The following GRM5 variants were observed in gnomAD, a reference collection of about 807,000 sequenced individuals.
GRM5 encodes metabotropic glutamate receptor 5.
In GRM5, 19 loss-of-function variants were observed where a neutral mutation model predicts 83.1. That is an observed-to-expected ratio of 0.23 (90% CI 0.16 to 0.34). The LOEUF (loss-of-function observed/expected upper bound fraction) is 0.34. Among genes scored for constraint, GRM5 ranks in the 10% least tolerant of loss-of-function variants. GRM5 has a pLI of 1.00. For synonymous variants in GRM5, 675 were observed against 633.6 expected (o/e 1.07, Z -0.98); for missense variants, 1,160 against 1,588.3 (o/e 0.73, Z 4.58).
intron 2 of GRM5, among the ~76,000 whole-genome samples, chr11:88,923,340 G>A (rs1045406821): frequency 6.6e-5 from 10 of 152,054 alleles, no homozygotes; most frequent in African/African-American, 1.9e-4. Flanking sequence ...CAAATGTAGC[G>A]CATATACACA....
intron 2 of GRM5, among the ~76,000 whole-genome samples, chr11:88,977,204 T>G (rs1411067742): frequency 6.6e-6 from 1 of 150,456 alleles, no homozygotes; most frequent in African/African-American, 2.4e-5. Context: ...TTTTATATTA[T>G]ATTATTTTAT....
intron 1 of GRM5, among the ~76,000 whole-genome samples, chr11:89,050,760 C>A (rs544012728): frequency 4.6e-5 from 7 of 152,228 alleles, no homozygotes; most frequent in African/African-American, 9.6e-5. Context: ...ATATACACCA[C>A]GGAATACTAT....
rs556067250 is a variant in GRM5 at position 89,040,069 on chromosome 11, A to T, written c.661+7143T>A. ...CCCAGCTGTAGTCTGCAGAAGTTTG[A>T]GCATAGCAAGTCACAGAAACTTAGT... is the stretch of plus-strand genomic sequence containing the variant. On this transcript the variant is annotated intron_variant, in intron 2 of 9. Transcript: ENST00000305447. 2.5e-3 allele frequency among the ~76,000 whole-genome samples: 386 copies of T among 152,172 alleles called. 2 individuals carry two copies. Among genetic ancestry groups the T allele is most frequent in the African/African-American group, 9.0e-3 (375 of 41,520 alleles).
At chr11:88,646,896 C>CAAAAA (rs143740677) in intron 4 of GRM5, among the ~76,000 whole-genome samples, 68,753 of 138,492 alleles carry the variant, frequency 0.5, 19,011 homozygotes, top group South Asian at 0.71. Context: ...GTTGCCATTA[C>CAAAAA]AAAAAAAAAA....
chr11:88,804,128 C>T (rs534149130), intron 3 of GRM5, among the ~76,000 whole-genome samples: 113 of 152,190 alleles, frequency 7.4e-4, no homozygotes, highest in Non-Finnish European at 1.1e-3. Flanking sequence ...GTCAGTGTGG[C>T]GATTCCTCGG....
intron 2 of GRM5, among the ~76,000 whole-genome samples, chr11:89,006,999 A>G (rs1456538716): frequency 2.6e-5 from 4 of 152,072 alleles, no homozygotes; most frequent in African/African-American, 7.2e-5. Flanking sequence ...GGGTTTCACC[A>G]TGTTAGCCAG....
intron 3 of GRM5, among the ~76,000 whole-genome samples, chr11:88,697,094 T>C (rs1200425143): frequency 6.6e-6 from 1 of 152,232 alleles, no homozygotes; most frequent in Admixed American, 6.5e-5. Flanking sequence ...ATGTAGTGTA[T>C]ATAATTGCTA....
chr11:89,029,497 T>C (rs1421389559), intron 2 of GRM5, among the ~76,000 whole-genome samples: 1 of 152,318 alleles, frequency 6.6e-6, no homozygotes, highest in South Asian at 2.1e-4. Flanking sequence ...GACATATACA[T>C]ACATATAGCA....
At chr11:88,802,970 A>G (rs980539837) in intron 3 of GRM5, among the ~76,000 whole-genome samples, 14 of 146,840 alleles carry the variant, frequency 9.5e-5, no homozygotes, top group Non-Finnish European at 1.9e-4. Context: ...TAGGAATCCA[A>G]CTTACAAGGG....
intron 8 of GRM5, among the ~76,000 whole-genome samples, chr11:88,555,206 C>T (rs1464780032): frequency 6.6e-6 from 1 of 152,092 alleles, no homozygotes; most frequent in African/African-American, 2.4e-5. Flanking sequence ...ATATGTAAGT[C>T]CATTGTTCTC....
At chr11:88,765,850 A>G (rs1327909342) in intron 3 of GRM5, among the ~76,000 whole-genome samples, 1 of 151,904 alleles carries the variant, frequency 6.6e-6, no homozygotes, top group African/African-American at 2.4e-5. Flanking sequence ...ATTTGACTTC[A>G]GGAATATGTT....
chr11:88,537,641 G>A (rs929285447), intron 8 of GRM5, among the ~76,000 whole-genome samples: 2 of 152,074 alleles, frequency 1.3e-5, no homozygotes, highest in African/African-American at 4.8e-5. Flanking sequence ...ACTATTGCAA[G>A]GTAATTCCTT....
At chr11:88,588,226 T>C (rs1173759948) in intron 7 of GRM5, among the ~76,000 whole-genome samples, 2 of 152,202 alleles carry the variant, frequency 1.3e-5, no homozygotes, top group African/African-American at 4.8e-5. Context: ...AGGGAGATAA[T>C]GGAGTACACT....
chr11:88,937,686 A>G (rs946221141), intron 2 of GRM5, among the ~76,000 whole-genome samples: 1 of 151,658 alleles, frequency 6.6e-6, no homozygotes, highest in African/African-American at 2.4e-5. Context: ...GCCCTCAAAT[A>G]CAGTAGAGGA....
intron 2 of GRM5, among the ~76,000 whole-genome samples, chr11:88,922,126 T>C (rs589220): frequency 6.6e-6 from 1 of 152,294 alleles, no homozygotes; most frequent in Middle Eastern, 3.4e-3. Context: ...ATTTATGGAT[T>C]GGAAGATTTA....
At chr11:88,987,050 G>A (rs977743413) in intron 2 of GRM5, among the ~76,000 whole-genome samples, 9 of 151,588 alleles carry the variant, frequency 5.9e-5, no homozygotes, top group South Asian at 2.1e-4. Flanking sequence ...AGCTCCCAGC[G>A]TGAGCAAGGC....
intron 2 of GRM5, among the ~76,000 whole-genome samples, chr11:88,988,645 G>A (rs949920390): frequency 5.9e-5 from 9 of 151,604 alleles, no homozygotes; most frequent in Non-Finnish European, 1.0e-4. Flanking sequence ...AAGCCCATCA[G>A]ACTAACAGCG....
chr11:88,875,772 T>A (rs189559865), intron 2 of GRM5, among the ~76,000 whole-genome samples: 18 of 152,192 alleles, frequency 1.2e-4, no homozygotes, highest in Admixed American at 9.8e-4. Flanking sequence ...AGCTCTTGGG[T>A]GCATTGTCAT....
chr11:88,726,726 G>C (rs1248700237), intron 3 of GRM5, among the ~76,000 whole-genome samples: 1 of 152,056 alleles, frequency 6.6e-6, no homozygotes, highest in Non-Finnish European at 1.5e-5. Flanking sequence ...AGATCATGGG[G>C]GCCAATATTC....
Sources: allele counts gnomAD v4.1 joint callset (sites outside exome capture counted in the v4.1 genomes callset), GRCh38; gene constraint gnomAD v4.1.1; transcripts MANE v1.5; gene names NCBI Gene and HGNC (gene_info 2026-07-23, HGNC 2026-07-21).